COL24A1: variants seen among roughly 807,000 people sequenced by gnomAD.
COL24A1 encodes collagen alpha-1(XXIV) chain.
COL24A1 carries 224 observed loss-of-function variants against 253.9 expected under a neutral mutation model. The ratio of observed to expected loss-of-function variants is 0.88; its 90% confidence interval spans 0.79 to 0.99. COL24A1 has a LOEUF of 0.99. COL24A1 is among the 50% of genes least tolerant of loss of function. COL24A1 has a pLI of 0.00. For synonymous variants in COL24A1, 685 were observed against 673.7 expected (o/e 1.02, Z -0.26); for missense variants, 2,131 against 2,068.5 (o/e 1.03, Z -0.59).
intron 19 of COL24A1, among the ~76,000 whole-genome samples, chr1:85,999,218 G>A (rs1423196682): frequency 6.6e-6 from 1 of 152,152 alleles, no homozygotes; most frequent in Non-Finnish European, 1.5e-5. Flanking sequence ...GTTTAGAGGA[G>A]GTACTGGGAG....
intron 24 of COL24A1, among the ~76,000 whole-genome samples, chr1:85,919,443 T>C (rs989616991): frequency 6.6e-6 from 1 of 151,996 alleles, no homozygotes; most frequent in Non-Finnish European, 1.5e-5. Context: ...CTTTGGGAGG[T>C]TAAGGCAGGA....
In COL24A1 at chr1:85,838,615, C is replaced by T. The variant is rs1177734969; in HGVS notation, c.3651G>A (p.Glu1217=). The T allele has an allele frequency of 6.8e-6, 11 of 1,613,978 alleles. No individual in the cohort carries two copies. The highest frequency in any genetic ancestry group is 8.5e-6 in the Non-Finnish European group (10 of 1,179,834). The change falls in exon 43 of 60, where the codon GAG becomes GAA. Residue 1217 remains glutamate (E), a synonymous_variant. Coordinates refer to ENST00000370571, the MANE Select transcript of COL24A1 (RefSeq NM_152890.7). ...ATCCCTCTGCTCCAGGCTCTCCTCT[C>T]TCTCCTTGGTCCCCCACTGGACCCT... ...GEPGPVGDQG[E]RGEPGAEGYK... is the part of the protein sequence containing the mutation.
chr1:86,153,408 GAATA>G, intron 1 of COL24A1, among the ~76,000 whole-genome samples: 3 of 152,248 alleles, frequency 2.0e-5, no homozygotes, highest in African/African-American at 7.2e-5. Context: ...AACATGTGTT[GAATA>G]AATACGTTAA....
At chr1:85,843,055 C>T (rs1676791438) in intron 39 of COL24A1, among the ~76,000 whole-genome samples, 1 of 152,042 alleles carries the variant, frequency 6.6e-6, no homozygotes, top group African/African-American at 2.4e-5. Context: ...TCCTATATTT[C>T]ATATTAGCAA....
In COL24A1 at chr1:86,046,857, T is replaced by C. The variant is rs776998450; in HGVS notation, c.1918A>G (p.Ile640Val). The stretch of plus-strand genomic sequence containing the variant: ...CCCTTAAAACCCTTCTTTCCACGGA[T>C]CCCAGGAATGCCCTAGAATATAGAA... ...GPEGERGIPGIRGKKGFKGRQ... is the reference protein window; with the variant it reads ...GPEGERGIPGVRGKKGFKGRQ... Residue 640 changes from isoleucine (I) to valine (V), a missense_variant, in exon 12 of 60, where the codon ATC (isoleucine) becomes GTC (valine). Ile to Val is a conservative substitution (Grantham distance 29). Transcript: ENST00000370571. 53 of 1,559,462 alleles carry C rather than the reference T, an allele frequency of 3.4e-5. No individual in the cohort carries two copies. In the South Asian group the frequency reaches 5.5e-4, roughly 16 times the overall value.
chr1:86,125,701 G>A lies in COL24A1; in HGVS notation c.635C>T (p.Ser212Phe), dbSNP rs1421274315. The change falls in exon 3 of 60, where the codon TCT (serine) becomes TTT (phenylalanine). Residue 212 changes from serine (S) to phenylalanine (F), a missense_variant. Coordinates refer to ENST00000370571, the MANE Select transcript of COL24A1 (RefSeq NM_152890.7). ...VFTLGSMNNN[S>F]IHFEGIVCQL... ...ACATACTATTCCTTCAAAATGGATA[G>A]AATTATTATTCATACTTCCTAAAGT... The A allele has an allele frequency of 1.2e-6, 2 of 1,610,484 alleles. No individual in the cohort carries two copies. Among genetic ancestry groups the A allele is most frequent in the African/African-American group, 1.3e-5 (1 of 74,900 alleles).
intron 43 of COL24A1, among the ~76,000 whole-genome samples, chr1:85,835,166 C>T (rs1474905994): frequency 6.6e-6 from 1 of 151,792 alleles, no homozygotes; most frequent in Admixed American, 6.6e-5. Flanking sequence ...TGTTGCCAGG[C>T]TGGAGTGCAG....
chr1:85,796,986 G>C (rs952586933), intron 47 of COL24A1, among the ~76,000 whole-genome samples: 5 of 151,424 alleles, frequency 3.3e-5, no homozygotes, highest in Non-Finnish European at 7.4e-5. Flanking sequence ...GGATCATGAG[G>C]TCAGGAGATC....
chr1:85,922,522 C>G (rs543023452), intron 24 of COL24A1, among the ~76,000 whole-genome samples: 4 of 152,298 alleles, frequency 2.6e-5, no homozygotes, highest in African/African-American at 9.6e-5. Flanking sequence ...ATTCAACATT[C>G]TTAAAGAAAA....
At chr1:85,861,752 C>T (rs1479853171) in intron 37 of COL24A1, among the ~76,000 whole-genome samples, 1 of 152,152 alleles carries the variant, frequency 6.6e-6, no homozygotes, top group African/African-American at 2.4e-5. Context: ...TAGCCAATAA[C>T]ACTAACCACA....
At chr1:85,798,581 C>T (rs2101752184) in intron 47 of COL24A1, among the ~76,000 whole-genome samples, 1 of 152,310 alleles carries the variant, frequency 6.6e-6, no homozygotes, top group African/African-American at 2.4e-5. Flanking sequence ...TATGAGAACA[C>T]ACAGCCCAGA....
At chr1:85,862,789 C>T (rs986804292) in intron 37 of COL24A1, among the ~76,000 whole-genome samples, 1 of 152,070 alleles carries the variant, frequency 6.6e-6, no homozygotes, top group African/African-American at 2.4e-5. Flanking sequence ...TAATGCTGAC[C>T]CTAAATTCCC....
At chr1:85,868,664 AG>A in intron 36 of COL24A1, 38 bp from the exon 37 acceptor site, 1 of 1,555,878 alleles carries the variant, frequency 6.4e-7, no homozygotes, top group Non-Finnish European at 8.8e-7. Flanking sequence ...AAAGGAATAC[AG>A]TGAAATAATT....
intron 7 of COL24A1, among the ~76,000 whole-genome samples, chr1:86,077,025 CA>C (rs1180493727): frequency 5.3e-5 from 8 of 152,112 alleles, no homozygotes; most frequent in Non-Finnish European, 7.4e-5. Context: ...CTCTGCACAG[CA>C]AAAGAAACTA....
At chr1:85,907,161 G>GA in intron 28 of COL24A1, 33 bp downstream of exon 28, 1 of 1,563,760 alleles carries the variant, frequency 6.4e-7, no homozygotes, top group South Asian at 1.1e-5. Flanking sequence ...AATTTTGGGG[G>GA]GGTTAATGTA....
At chr1:86,023,729 AAT>A (rs2101376869) in intron 14 of COL24A1, among the ~76,000 whole-genome samples, 1 of 152,302 alleles carries the variant, frequency 6.6e-6, no homozygotes, top group Non-Finnish European at 1.5e-5. Context: ...AAAAAACTTC[AAT>A]ATGTCATCTT....
Position 85,874,793 on chromosome 1 carries a change from G to A in COL24A1, c.3085-91C>T, listed in dbSNP as rs1032172238. The A allele has an allele frequency of 4.3e-6, 6 of 1,404,378 alleles. 1 individual carries two copies. The highest frequency in any genetic ancestry group is 2.5e-5 in the South Asian group (2 of 79,188). The allele number at this position is 1,404,378 out of a possible 1,614,324, so 87.0% of individuals were successfully genotyped here. ...ATGCCATACGGCACAGTTCCCCAAC[G>A]CCTGGGCCGTAGAGGGTACCTGTCC... is the stretch of plus-strand genomic sequence containing the variant. On this transcript the variant is annotated intron_variant, in intron 34 of 59. Transcript: ENST00000370571.
At chr1:85,913,449 C>A (rs1401016689) in intron 24 of COL24A1, among the ~76,000 whole-genome samples, 1 of 152,104 alleles carries the variant, frequency 6.6e-6, no homozygotes, top group Admixed American at 6.5e-5. Flanking sequence ...CTCACTATTA[C>A]CCCTAGTCAT....
At chr1:86,070,521 C>T (rs1701804301) in intron 7 of COL24A1, among the ~76,000 whole-genome samples, 1 of 152,110 alleles carries the variant, frequency 6.6e-6, no homozygotes, top group Non-Finnish European at 1.5e-5. Context: ...AAAAAGACTA[C>T]CTCAAGGTAT....
Sources: gnomAD v4.1 joint callset for allele counts (sites outside exome capture counted in the v4.1 genomes callset) on GRCh38, gnomAD v4.1.1 for gene constraint, MANE v1.5 for transcripts, NCBI Gene and HGNC (gene_info 2026-07-23, HGNC 2026-07-21) for gene names.